The following AKAP13 variants were observed in gnomAD, a reference collection of about 807,000 sequenced individuals.
The protein encoded by AKAP13 is A-kinase anchoring protein 13.
A neutral mutation model predicts 264.5 loss-of-function variants in AKAP13; 80 were observed. The observed-to-expected ratio is 0.30, with a 90% confidence interval of 0.25 to 0.36. The LOEUF is 0.36. Ranked by LOEUF, AKAP13 falls within the 10% of genes least tolerant of loss-of-function variation. The pLI is 1.00. For synonymous variants in AKAP13, 1,380 were observed against 1,250.2 expected (o/e 1.10, Z -2.19); for missense variants, 3,712 against 3,435.2 (o/e 1.08, Z -2.01).
chr15:85,664,848 A>G, intron 13 of AKAP13, 93 bp downstream of exon 13: 4 of 1,172,336 alleles, frequency 3.4e-6, no homozygotes, highest in Admixed American at 2.5e-5. Flanking sequence ...GCTAGTAGCT[A>G]TGATTACTTA....
At chr15:85,582,933 G>A (rs1374839361) in intron 7 of AKAP13, 4 of 985,360 alleles carry the variant, frequency 4.1e-6, no homozygotes, top group Non-Finnish European at 4.8e-6. Flanking sequence ...TGTTCCATCT[G>A]TGGGTAACCA....
chr15:85,720,581 G>A (rs1306628465), intron 23 of AKAP13, among the ~76,000 whole-genome samples: 1 of 152,076 alleles, frequency 6.6e-6, no homozygotes, highest in Non-Finnish European at 1.5e-5. Flanking sequence ...CAGGCAGAGG[G>A]GTATATAACA....
chr15:85,527,829 A>G (rs1226437005), intron 3 of AKAP13, among the ~76,000 whole-genome samples: 1 of 152,228 alleles, frequency 6.6e-6, no homozygotes, highest in Non-Finnish European at 1.5e-5. Context: ...CCTATCATAG[A>G]CACTTCATAA....
At chr15:85,616,707 G>C (rs1395325563) in intron 8 of AKAP13, among the ~76,000 whole-genome samples, 1 of 152,202 alleles carries the variant, frequency 6.6e-6, no homozygotes, top group Non-Finnish European at 1.5e-5. Context: ...ATTGGTTGCT[G>C]TATTTCAAAA....
chr15:85,631,851 C>A (rs382462), intron 8 of AKAP13, among the ~76,000 whole-genome samples: 7 of 151,862 alleles, frequency 4.6e-5, no homozygotes, highest in East Asian at 1.9e-4. Context: ...ATAAGTTTAT[C>A]AAGATAAATT....
At chr15:85,623,010 T>C (rs16942305) in intron 8 of AKAP13, among the ~76,000 whole-genome samples, 7,681 of 152,298 alleles carry the variant, frequency 0.05, 331 homozygotes, top group Admixed American at 0.15. Flanking sequence ...TCCCATGATT[T>C]TTAGCAAAGT....
At chr15:85,392,544 G>T (rs1027278995) in intron 1 of AKAP13, among the ~76,000 whole-genome samples, 2 of 152,118 alleles carry the variant, frequency 1.3e-5, no homozygotes, top group African/African-American at 4.8e-5. Flanking sequence ...AATCTTAATC[G>T]TAAATGGGAA....
At chr15:85,511,294 G>C (rs897743433) in intron 2 of AKAP13, among the ~76,000 whole-genome samples, 1 of 152,072 alleles carries the variant, frequency 6.6e-6, no homozygotes, top group African/African-American at 2.4e-5. Context: ...GAACACCAGC[G>C]TCTAGTCATT....
At chr15:85,407,499 C>G (rs1288692173) in intron 1 of AKAP13, among the ~76,000 whole-genome samples, 2 of 151,664 alleles carry the variant, frequency 1.3e-5, no homozygotes, top group Non-Finnish European at 2.9e-5. Flanking sequence ...CTTGGCCTCC[C>G]AAAGTGCTGG....
chr15:85,697,101 G>A (rs181904924), intron 17 of AKAP13, among the ~76,000 whole-genome samples: 131 of 152,292 alleles, frequency 8.6e-4, no homozygotes, highest in Non-Finnish European at 1.2e-3. Context: ...CCAGCCTGTA[G>A]CAGATGTAGA....
Position 85,434,573 on chromosome 15 carries a change from C to CT in AKAP13, c.-11-51136dup, listed in dbSNP as rs1205947075. Among the ~76,000 whole-genome samples the CT allele has an allele frequency of 2.6e-5, 4 of 151,940 alleles. No individual in the cohort carries two copies. The East Asian group carries it at 7.8e-4, about 30-fold the overall frequency. On this transcript the variant is annotated intron_variant, in intron 1 of 36. Coordinates refer to ENST00000394518, the MANE Select transcript of AKAP13 (RefSeq NM_007200.5). ...CCTCTGCAGACTTAAGTGTCCCTGT[C>CT]TGACAGCTTTGAAGAGAGCAGTGGT...
intron 1 of AKAP13, among the ~76,000 whole-genome samples, chr15:85,484,532 C>T (rs1406176947): frequency 6.6e-6 from 1 of 152,170 alleles, no homozygotes. Flanking sequence ...CTGCGTTGTC[C>T]AGCAGAACAC....
chr15:85,520,999 A>G (rs569331789), intron 2 of AKAP13, among the ~76,000 whole-genome samples: 1 of 152,366 alleles, frequency 6.6e-6, no homozygotes, highest in South Asian at 2.1e-4. Flanking sequence ...ATTATTGTCA[A>G]CTGGAACACA....
chr15:85,440,874 T>A (rs913555857), intron 1 of AKAP13, among the ~76,000 whole-genome samples: 5 of 152,182 alleles, frequency 3.3e-5, no homozygotes, highest in African/African-American at 1.2e-4. Context: ...TGGAAATTTT[T>A]AAAAAAATTC....
Position 85,409,433 on chromosome 15 carries a change from C to G in AKAP13, c.-12+28635C>G, listed in dbSNP as rs546055587. Among the ~76,000 whole-genome samples, 8 of 151,798 alleles carry G rather than the reference C, an allele frequency of 5.3e-5. No homozygotes were observed. In the South Asian group the frequency reaches 1.4e-3, roughly 27 times the overall value. On this transcript the variant is annotated intron_variant, in intron 1 of 36. Transcript: ENST00000394518. The stretch of plus-strand genomic sequence containing the variant: ...CCTCAGGTGATCTGCCTGCCTCGGC[C>G]TCCCAAAGTGCTGGGATTACAGGTA...
chr15:85,687,407 C>G (rs1010507059), intron 16 of AKAP13, among the ~76,000 whole-genome samples: 2 of 152,182 alleles, frequency 1.3e-5, no homozygotes, highest in African/African-American at 2.4e-5. Flanking sequence ...TGTGTTAGAC[C>G]GAAATCTGTG....
At chr15:85,506,070 G>A (rs2076211713) in intron 2 of AKAP13, among the ~76,000 whole-genome samples, 1 of 152,156 alleles carries the variant, frequency 6.6e-6, no homozygotes, top group Admixed American at 6.5e-5. Context: ...GAGGAGGTGG[G>A]CGGATCACTT....
chr15:85,463,023 C>CAAAAAAAA (rs35565608), intron 1 of AKAP13, among the ~76,000 whole-genome samples: 1 of 65,194 alleles, frequency 1.5e-5, no homozygotes, highest in Non-Finnish European at 2.6e-5. Context: ...GACTCCGTCT[C>CAAAAAAAA]AAAAAAAAAA....
intron 5 of AKAP13, among the ~76,000 whole-genome samples, chr15:85,569,349 G>C (rs547887603): frequency 8.5e-5 from 13 of 152,198 alleles, no homozygotes; most frequent in African/African-American, 2.4e-4. Context: ...AGATGAGGAA[G>C]AGGAGCCAGG....
Sources: allele counts gnomAD v4.1 joint callset (sites outside exome capture counted in the v4.1 genomes callset), GRCh38; gene constraint gnomAD v4.1.1; transcripts MANE v1.5; gene names NCBI Gene and HGNC (gene_info 2026-07-23, HGNC 2026-07-21).